Variants in RNF144B observed in about 807,000 individuals in gnomAD.
RNF144B encodes the protein ring finger protein 144B.
Under a neutral mutation model 40.2 loss-of-function variants are expected in RNF144B, and 25 were observed. That is an observed-to-expected ratio of 0.62 (90% CI 0.45 to 0.87). The LOEUF is 0.87. Ranked by LOEUF, RNF144B falls within the 40% of genes least tolerant of loss-of-function variation. RNF144B has a pLI of 0.00. For synonymous variants in RNF144B, 145 were observed against 136.3 expected, an observed-to-expected ratio of 1.06 and a Z score of -0.44; for missense variants, 365 against 373.7, an observed-to-expected ratio of 0.98 and a Z score of 0.19.
rs1434617257 is a variant in RNF144B at position 18,412,413 on chromosome 6, A to G, written c.165+12714A>G. 6.6e-6 allele frequency among the ~76,000 whole-genome samples: 1 copy of G among 152,220 alleles called. No individual in the cohort carries two copies. Among genetic ancestry groups the G allele is most frequent in the East Asian group, 1.9e-4 (1 of 5,202 alleles). On this transcript the variant is annotated intron_variant, in intron 2 of 7. Transcript: ENST00000259939. This position sits in a 1 kb window ranked among gnomAD's most constrained non-coding sequence, Gnocchi z 4.2. Reference sequence around the variant, plus strand: ...AACATACAGTATGCTCAGTGCCAGTATAGTTTCAACTGATTTTATACCTTG... The same window carrying G: ...AACATACAGTATGCTCAGTGCCAGTGTAGTTTCAACTGATTTTATACCTTG...
chr6:18,409,872 A>G (rs1794999827), intron 2 of RNF144B, among the ~76,000 whole-genome samples: 2 of 152,174 alleles, frequency 1.3e-5, no homozygotes, highest in African/African-American at 4.8e-5. Context: ...GCCCCGGCCT[A>G]CATAACATTT....
chr6:18,428,724 C>G (rs1758623950), intron 3 of RNF144B, among the ~76,000 whole-genome samples: 1 of 152,160 alleles, frequency 6.6e-6, no homozygotes, highest in South Asian at 2.1e-4. Context: ...TTTTCATTGC[C>G]AGTATACTAC....
At position 18,442,149 on chromosome 6, in the gene RNF144B, G is replaced by A. The variant is rs1171467972; in HGVS notation, c.331+2405G>A. Among the ~76,000 whole-genome samples the A allele has an allele frequency of 1.3e-5, 2 of 152,222 alleles. No homozygotes were observed. The highest frequency in any genetic ancestry group is 2.4e-5 in the African/African-American group (1 of 41,456). ...AAGATTTCCACTCTTTCCCCAGATAGTGGTTGGCTTTTTGACTTTTCAGTA... is the reference window on the plus strand; with the variant it reads ...AAGATTTCCACTCTTTCCCCAGATAATGGTTGGCTTTTTGACTTTTCAGTA... On this transcript the variant is annotated intron_variant, in intron 4 of 7. Coordinates refer to ENST00000259939, the MANE Select transcript of RNF144B (RefSeq NM_182757.4). This position sits in a 1 kb window ranked among gnomAD's most constrained non-coding sequence, Gnocchi z 4.3.
At chr6:18,417,795 A>T (rs778601681) in intron 2 of RNF144B, among the ~76,000 whole-genome samples, 4 of 152,216 alleles carry the variant, frequency 2.6e-5, no homozygotes, top group Non-Finnish European at 4.4e-5. Flanking sequence ...AAGTTAAAAG[A>T]TAACTCACAG....
At chr6:18,426,344 T>A (rs9396865) in intron 2 of RNF144B, among the ~76,000 whole-genome samples, 1 of 152,154 alleles carries the variant, frequency 6.6e-6, no homozygotes, top group Non-Finnish European at 1.5e-5. Context: ...TTTTTGGTCA[T>A]GCATGTAGAA....
chr6:18,427,328 T>C (rs1421247078), intron 2 of RNF144B, among the ~76,000 whole-genome samples: 1 of 152,152 alleles, frequency 6.6e-6, no homozygotes, highest in Non-Finnish European at 1.5e-5. Context: ...CTATGGTGGC[T>C]GAAATGTGTG....
rs143309563 is a variant in RNF144B, at chr6:18,403,937, C to A, written c.165+4238C>A. ...ACTCTGGCAGGAACTATTAAGAATT[C>A]ATTCCCGCAAGAACTAATTCATTCT... On this transcript the variant is annotated intron_variant, in intron 2 of 7. Transcript: ENST00000259939. Among the ~76,000 whole-genome samples the A allele has an allele frequency of 5.0e-4, 76 of 152,326 alleles. No individual in the cohort carries two copies. In the East Asian group the frequency reaches 0.013, roughly 26 times the overall value.
intron 6 of RNF144B, among the ~76,000 whole-genome samples, chr6:18,462,599 AC>A (rs1759478918): frequency 6.6e-6 from 1 of 151,070 alleles, no homozygotes; most frequent in African/African-American, 2.4e-5. Flanking sequence ...TAATGAACAG[AC>A]CATTAGATAG....
In RNF144B at chr6:18,399,489, C is replaced by G. The variant is rs748388433; in HGVS notation, c.-36-10C>G. 6.3e-7 allele frequency: 1 copy of G among 1,587,832 alleles called. No homozygotes were observed. Among genetic ancestry groups the G allele is most frequent in the Non-Finnish European group, 8.6e-7 (1 of 1,163,546 alleles). On this transcript the variant is annotated splice_polypyrimidine_tract_variant and intron_variant, in intron 1 of 7. Transcript: ENST00000259939. ...CCATATAATATTTTCTGCTTTGGAC[C>G]TTTCTATAGGGATTGAGGAGACTGA...
At chr6:18,428,267 C>G (rs1758611196) in intron 3 of RNF144B, among the ~76,000 whole-genome samples, 1 of 152,032 alleles carries the variant, frequency 6.6e-6, no homozygotes, top group African/African-American at 2.4e-5. Context: ...AATTAAATAC[C>G]CAGTCTTGGG....
Position 18,448,488 on chromosome 6 carries a change from G to A in RNF144B, c.332-8667G>A, listed in dbSNP as rs1759134607. On this transcript the variant is annotated intron_variant, in intron 4 of 7. Transcript: ENST00000259939. This position sits in a 1 kb window ranked among gnomAD's most constrained non-coding sequence, Gnocchi z 4.0. ...GGGTAATGCAGATTTGAAGCAAAAG[G>A]AGGAGCTTTATGTAATATGAAAGTA... Among the ~76,000 whole-genome samples, 1 of 152,048 alleles carries A rather than the reference G, an allele frequency of 6.6e-6. No individual in the cohort carries two copies. Among genetic ancestry groups the A allele is most frequent in the South Asian group, 2.1e-4 (1 of 4,820 alleles).
At position 18,414,113 on chromosome 6, in the gene RNF144B, C is replaced by T. The variant is rs1458402355; in HGVS notation, c.166-13468C>T. ...TAGTCGTGGTCTTGATGCAATGTAA[C>T]TTATAATTAGAAAGATGCTGATTTT... On this transcript the variant is annotated intron_variant, in intron 2 of 7. Coordinates refer to ENST00000259939, the MANE Select transcript of RNF144B (RefSeq NM_182757.4). This position sits in a 1 kb window ranked among gnomAD's most constrained non-coding sequence, Gnocchi z 4.9. Among the ~76,000 whole-genome samples, 1 of 152,154 alleles carries T rather than the reference C, an allele frequency of 6.6e-6. No individual in the cohort carries two copies. Among genetic ancestry groups the T allele is most frequent in the Non-Finnish European group, 1.5e-5 (1 of 68,024 alleles).
rs148060588 is a variant in RNF144B, at chr6:18,448,785, C to T, written c.332-8370C>T. On this transcript the variant is annotated intron_variant, in intron 4 of 7. Transcript: ENST00000259939. The surrounding 1 kb of genome is among the most constrained non-coding windows in gnomAD (Gnocchi z 4.0). ...TGTGAGATGCACCCTACTTTCTTTT[C>T]TAATCTGTTTCATTTTTATGCTGGT... 1.1e-4 allele frequency among the ~76,000 whole-genome samples: 17 copies of T among 151,962 alleles called. No individual in the cohort carries two copies. In the East Asian group the frequency reaches 3.3e-3, roughly 29 times the overall value.
rs1441747240 is a variant in RNF144B at position 18,444,076 on chromosome 6, T to C, written c.331+4332T>C. Among the ~76,000 whole-genome samples the C allele has an allele frequency of 6.6e-6, 1 of 152,226 alleles. No individual in the cohort carries two copies. Among genetic ancestry groups the C allele is most frequent in the East Asian group, 1.9e-4 (1 of 5,204 alleles). On this transcript the variant is annotated intron_variant, in intron 4 of 7. Transcript: ENST00000259939. This position sits in a 1 kb window ranked among gnomAD's most constrained non-coding sequence, Gnocchi z 4.3. ...CCAAGTTCTTTTAGTCTTTAGCTTG[T>C]TGTTCAGTGTGTGAATTGTCCTCTG...
chr6:18,461,402 AC>A (rs1759451940), intron 6 of RNF144B, among the ~76,000 whole-genome samples: 1 of 152,214 alleles, frequency 6.6e-6, no homozygotes, highest in African/African-American at 2.4e-5. Flanking sequence ...CAAATGAAAA[AC>A]AATTTTTTTT....
At chr6:18,403,459 A>T (rs1388978622) in intron 2 of RNF144B, among the ~76,000 whole-genome samples, 5 of 152,240 alleles carry the variant, frequency 3.3e-5, no homozygotes, top group Admixed American at 3.3e-4. Context: ...GCAAAAAGAA[A>T]ATAAAGTCCA....
chr6:18,396,817 G>A (rs1562039217), intron 1 of RNF144B: 4 of 985,214 alleles, frequency 4.1e-6, no homozygotes, highest in African/African-American at 1.7e-5. Context: ...TGGGAGGAAG[G>A]AAAAGGTAAA....
chr6:18,443,051 G>A lies in RNF144B; in HGVS notation c.331+3307G>A, dbSNP rs1463664769. Among the ~76,000 whole-genome samples the A allele has an allele frequency of 6.6e-6, 1 of 152,120 alleles. No homozygotes were observed. Among genetic ancestry groups the A allele is most frequent in the Admixed American group, 6.6e-5 (1 of 15,266 alleles). ...ATTTTTGGGTAAAGTAACTAGAATT[G>A]GGATTACGGGATCATGTGGTAATTT... is the stretch of plus-strand genomic sequence containing the variant. On this transcript the variant is annotated intron_variant, in intron 4 of 7. Coordinates refer to ENST00000259939, the MANE Select transcript of RNF144B (RefSeq NM_182757.4). This position sits in a 1 kb window ranked among gnomAD's most constrained non-coding sequence, Gnocchi z 4.7.
chr6:18,457,831 G>A lies in RNF144B; in HGVS notation c.536+472G>A, dbSNP rs1032441790. On this transcript the variant is annotated intron_variant, in intron 5 of 7. Transcript: ENST00000259939. This position sits in a 1 kb window ranked among gnomAD's most constrained non-coding sequence, Gnocchi z 5.1. ...CAACGGTCCTAAATTCTTTCAGCAC[G>A]TAGAAAGGAGGGTTCTCTCATGATA... Among the ~76,000 whole-genome samples, 15 of 152,172 alleles carry A rather than the reference G, an allele frequency of 9.9e-5. No homozygotes were observed. The highest frequency in any genetic ancestry group is 3.6e-4 in the African/African-American group (15 of 41,442).
Sources: gnomAD v4.1 joint callset for allele counts (sites outside exome capture counted in the v4.1 genomes callset) on GRCh38, gnomAD v4.1.1 for gene constraint, Gnocchi (gnomAD v3.1) non-coding constraint, MANE v1.5 for transcripts, NCBI Gene and HGNC (gene_info 2026-07-23, HGNC 2026-07-21) for gene names.